COLGALT2: variants seen among roughly 807,000 people sequenced by gnomAD.
COLGALT2 encodes procollagen galactosyltransferase 2.
In COLGALT2, 49 loss-of-function variants were observed where a neutral mutation model predicts 73.4. That is an observed-to-expected ratio of 0.67 (90% CI 0.53 to 0.85). COLGALT2 has a LOEUF of 0.85. Among genes scored for constraint, COLGALT2 ranks in the 40% least tolerant of loss-of-function variants. COLGALT2 has a pLI of 0.00. For missense variants in COLGALT2, 722 were observed against 790.2 expected (o/e 0.91, Z 1.03); for synonymous variants, 295 against 307.6 (o/e 0.96, Z 0.43).
In COLGALT2 at chr1:183,936,638, A is replaced by G; in HGVS notation, c.*2123T>C. ...TAAAAAAGTCATTAAAGTCATGCACACATGCACACACTCAAATATGAAAAC... is the reference window on the plus strand; with the variant it reads ...TAAAAAAGTCATTAAAGTCATGCACGCATGCACACACTCAAATATGAAAAC... On this transcript the variant is annotated 3_prime_UTR_variant, in exon 12 of 12. Transcript: ENST00000361927. 8.2e-7 allele frequency: 1 copy of G among 1,216,206 alleles called. No individual in the cohort carries two copies. 75.3% of individuals were successfully genotyped at this position (1,216,206 alleles called of 1,614,324 possible).
At chr1:183,958,958 T>C (rs980143011) in intron 6 of COLGALT2, among the ~76,000 whole-genome samples, 3 of 152,004 alleles carry the variant, frequency 2.0e-5, no homozygotes, top group African/African-American at 7.3e-5. Context: ...CCCCATCCCA[T>C]CAAGATTCAG....
intron 1 of COLGALT2, among the ~76,000 whole-genome samples, chr1:184,026,322 A>G (rs1210486758): frequency 6.6e-6 from 1 of 152,218 alleles, no homozygotes; most frequent in Non-Finnish European, 1.5e-5. Context: ...GAAGGATAAA[A>G]GATACAAAAA....
chr1:183,989,690 T>C (rs1034449715), intron 1 of COLGALT2, among the ~76,000 whole-genome samples: 8 of 152,252 alleles, frequency 5.3e-5, no homozygotes, highest in Non-Finnish European at 8.8e-5. Flanking sequence ...CTTGACCTAC[T>C]ATTTTGCTAA....
chr1:183,954,696 T>C (rs1670504782), intron 7 of COLGALT2, 66 bp downstream of exon 7: 1 of 1,296,300 alleles, frequency 7.7e-7, no homozygotes, highest in South Asian at 1.2e-5. Flanking sequence ...CAGGCTTGTG[T>C]TCCAAAATGA....
intron 1 of COLGALT2, among the ~76,000 whole-genome samples, chr1:183,998,216 G>A (rs894411576): frequency 2.0e-5 from 3 of 152,194 alleles, no homozygotes; most frequent in Non-Finnish European, 4.4e-5. Flanking sequence ...GCTGAGAAAC[G>A]ATACATTATT....
Position 183,938,197 on chromosome 1 carries a change from A to ACTTT in COLGALT2, c.*563_*564insAAAG. 1 of 894,650 alleles carries ACTTT rather than the reference A, an allele frequency of 1.1e-6. No individual in the cohort carries two copies. Among genetic ancestry groups the ACTTT allele is most frequent in the Non-Finnish European group, 1.3e-6 (1 of 773,060 alleles). The allele number at this position is 894,650 out of a possible 1,614,324, so 55.4% of individuals were successfully genotyped here. ...CCCCTACTGGATAACAGGGACTAAGATTTTTTTTTTTTAAAAAATCTACTT... is the reference window on the plus strand; with the variant it reads ...CCCCTACTGGATAACAGGGACTAAGACTTTTTTTTTTTTTTTAAAAAATCTACTT... On this transcript the variant is annotated 3_prime_UTR_variant, in exon 12 of 12. Transcript: ENST00000361927.
chr1:184,009,647 A>C (rs1367672670), intron 1 of COLGALT2, among the ~76,000 whole-genome samples: 1 of 152,220 alleles, frequency 6.6e-6, no homozygotes, highest in Non-Finnish European at 1.5e-5. Context: ...GATTATATTC[A>C]TATTGTTGAC....
At chr1:183,980,094 G>T (rs1671307360) in intron 1 of COLGALT2, among the ~76,000 whole-genome samples, 1 of 151,774 alleles carries the variant, frequency 6.6e-6, no homozygotes, top group East Asian at 1.9e-4. Flanking sequence ...CTACATATCA[G>T]AATTTTGGGA....
chr1:183,941,273 G>T (rs1319810553), intron 10 of COLGALT2, among the ~76,000 whole-genome samples: 2 of 152,174 alleles, frequency 1.3e-5, no homozygotes, highest in Non-Finnish European at 2.9e-5. Flanking sequence ...GAGTCAGTCT[G>T]CAGTGAAGGT....
rs1649729368 is a variant in COLGALT2, at chr1:184,037,426, G to A, written c.-69C>T. On this transcript the variant is annotated 5_prime_UTR_variant, in exon 1 of 12. Coordinates refer to ENST00000361927, the MANE Select transcript of COLGALT2 (RefSeq NM_015101.4). ...CCCGGCTGGGCTGCCTGAGGGCGGC[G>A]GCGGCTGCCGGGGAGCAAGGGGCTG... is the stretch of plus-strand genomic sequence containing the variant. 6.3e-6 allele frequency: 8 copies of A among 1,268,760 alleles called. No homozygotes were observed. The East Asian group carries it at 1.3e-4, about 20-fold the overall frequency. 78.6% of individuals were successfully genotyped at this position (1,268,760 alleles called of 1,614,324 possible).
At chr1:183,931,396 C>T (rs1293216428), downstream of COLGALT2, among the ~76,000 whole-genome samples, 1 of 152,166 alleles carries the variant, frequency 6.6e-6, no homozygotes, top group Non-Finnish European at 1.5e-5. Context: ...ACCTACTATC[C>T]TGAGCATCAT....
At chr1:184,023,972 C>T (rs1649253946) in intron 1 of COLGALT2, among the ~76,000 whole-genome samples, 1 of 152,116 alleles carries the variant, frequency 6.6e-6, no homozygotes, top group South Asian at 2.1e-4. Flanking sequence ...TATGAATCAT[C>T]AGTCTAATCA....
chr1:183,937,221 C>T lies in COLGALT2; in HGVS notation c.*1540G>A. On this transcript the variant is annotated 3_prime_UTR_variant, in exon 12 of 12. Coordinates refer to ENST00000361927, the MANE Select transcript of COLGALT2 (RefSeq NM_015101.4). ...AGGGTTTGGGGTGTGCACGGCCCCC[C>T]ATATGGCTGCATGGTGCATGGACAG... 8.3e-7 allele frequency: 1 copy of T among 1,210,806 alleles called. No homozygotes were observed. Among genetic ancestry groups the T allele is most frequent in the Non-Finnish European group, 1.0e-6 (1 of 975,302 alleles). 75.0% of individuals were successfully genotyped at this position (1,210,806 alleles called of 1,614,324 possible). A position where few individuals can be genotyped will look rare whatever the true frequency, so the allele number is the denominator to read the frequency against.
chr1:183,987,962 G>A (rs1671530287), intron 1 of COLGALT2, among the ~76,000 whole-genome samples: 1 of 152,160 alleles, frequency 6.6e-6, no homozygotes, highest in African/African-American at 2.4e-5. Context: ...CACCCTGGCA[G>A]GAGGTCTCTG....
At chr1:183,941,709 T>A (rs3010041) in intron 10 of COLGALT2, among the ~76,000 whole-genome samples, 25,142 of 152,166 alleles carry the variant, frequency 0.17, 2,299 homozygotes, top group Admixed American at 0.25. Flanking sequence ...AATCTTCAGT[T>A]CTTCTGAGAA....
At chr1:183,943,509 TGAAAG>T (rs1468963439) in intron 10 of COLGALT2, among the ~76,000 whole-genome samples, 1 of 145,774 alleles carries the variant, frequency 6.9e-6, no homozygotes, top group African/African-American at 2.6e-5. Flanking sequence ...AGAGGAAAAA[TGAAAG>T]GGAAGGGAAG....
At chr1:183,975,967 TGA>T (rs1207025053) in intron 2 of COLGALT2, among the ~76,000 whole-genome samples, 2 of 152,216 alleles carry the variant, frequency 1.3e-5, no homozygotes, top group East Asian at 3.9e-4. Flanking sequence ...GCAAAAACAA[TGA>T]GACTGTAACT....
intron 1 of COLGALT2, among the ~76,000 whole-genome samples, chr1:184,036,590 G>A (rs1177440522): frequency 6.6e-6 from 1 of 152,180 alleles, no homozygotes; most frequent in East Asian, 1.9e-4. Flanking sequence ...GCCCGGCACC[G>A]GAAAGTCAGA....
intron 8 of COLGALT2, chr1:183,946,474 T>C (rs1670251130): frequency 6.6e-6 from 1 of 152,154 alleles, no homozygotes; most frequent in African/African-American, 2.4e-5. Context: ...GAAAAAAATG[T>C]AGTGAAGGCA....
Sources: gnomAD v4.1 joint callset for allele counts (sites outside exome capture counted in the v4.1 genomes callset) on GRCh38, gnomAD v4.1.1 for gene constraint, MANE v1.5 for transcripts, NCBI Gene and HGNC (gene_info 2026-07-23, HGNC 2026-07-21) for gene names.